The following OGDH variants were observed in gnomAD, a reference collection of about 807,000 sequenced individuals.
OGDH encodes the protein oxoglutarate dehydrogenase.
A neutral mutation model predicts 116.6 loss-of-function variants in OGDH; 38 were observed. The ratio of observed to expected loss-of-function variants is 0.33; its 90% CI spans 0.25 to 0.43. OGDH has a LOEUF of 0.43. Ranked by LOEUF, OGDH falls within the 20% of genes least tolerant of loss-of-function variation. OGDH has a pLI of 1.00. For missense variants in OGDH, 825 were observed against 1,357.2 expected, an observed-to-expected ratio of 0.61 and a Z score of 6.16; for synonymous variants, 488 against 533.3, an observed-to-expected ratio of 0.92 and a Z score of 1.17.
intron 1 of OGDH, among the ~76,000 whole-genome samples, chr7:44,622,478 A>G (rs1471038735): frequency 1.3e-5 from 2 of 152,092 alleles, no homozygotes; most frequent in Non-Finnish European, 2.9e-5. Flanking sequence ...TTTTTAAAGA[A>G]TATGTTCTGC....
chr7:44,692,144 A>C (rs1335621004), intron 10 of OGDH, among the ~76,000 whole-genome samples: 1 of 151,596 alleles, frequency 6.6e-6, no homozygotes, highest in Non-Finnish European at 1.5e-5. Context: ...CCTGTGGCTC[A>C]GTTTTCCCTT....
At chr7:44,661,566 T>A (rs976188400) in intron 4 of OGDH, among the ~76,000 whole-genome samples, 9 of 152,128 alleles carry the variant, frequency 5.9e-5, no homozygotes, top group Admixed American at 3.9e-4. Context: ...AACCCACATT[T>A]AAAAATTTTT....
Position 44,676,207 on chromosome 7 carries a change from G to T in OGDH, c.1206+58G>T, listed in dbSNP as rs747497510. On this transcript the variant is annotated intron_variant, in intron 9 of 22. Transcript: ENST00000222673. ...CGTCAAGGCCCCATGTTCCAGCATG[G>T]AGTTCCGCTCACCAACATAACCCAG... 7 of 1,613,700 alleles carry T rather than the reference G, an allele frequency of 4.3e-6. 1 individual carries two copies. In the South Asian group the frequency reaches 7.7e-5, roughly 18 times the overall value.
At position 44,645,410 on chromosome 7, in the gene OGDH, C is replaced by G. The variant is rs773361674; in HGVS notation, c.306C>G (p.Gly102=). Reference sequence around the variant, plus strand: ...AGAGTCCCCTTCCCCTGAGCCGAGGCTCCCTGGCTGCTGTGGCCCATGCAC... The same window carrying G: ...AGAGTCCCCTTCCCCTGAGCCGAGGGTCCCTGGCTGCTGTGGCCCATGCAC... ...AYQSPLPLSR[G]SLAAVAHAQS... The change falls in exon 3 of 23, where the codon GGC becomes GGG. Residue 102 remains glycine (G), a synonymous_variant. Coordinates refer to ENST00000222673, the MANE Select transcript of OGDH (RefSeq NM_002541.4). The G allele has an allele frequency of 6.2e-7, 1 of 1,614,212 alleles. No homozygotes were observed. Among genetic ancestry groups the G allele is most frequent in the Non-Finnish European group, 8.5e-7 (1 of 1,180,040 alleles).
rs1585301109 is a variant in OGDH, at chr7:44,656,416, A to G, written c.517+8657A>G. 4 of 1,483,252 alleles carry G rather than the reference A, an allele frequency of 2.7e-6. No homozygotes were observed. In the East Asian group the frequency reaches 9.9e-5, roughly 37 times the overall value. The allele number at this position is 1,483,252 out of a possible 1,614,324, so 91.9% of individuals were successfully genotyped here. On this transcript the variant is annotated intron_variant, in intron 4 of 22. Transcript: ENST00000222673. ...TCAGAGTTGAGGACTTCATTTGAAT[A>G]GGATGTGCAACTTTTCCTAGCATGC...
intron 10 of OGDH, among the ~76,000 whole-genome samples, chr7:44,692,552 C>A (rs2116328339): frequency 6.6e-6 from 1 of 152,268 alleles, no homozygotes; most frequent in South Asian, 2.1e-4. Context: ...GGTCCACTAA[C>A]AAATATGGCG....
At chr7:44,691,981 T>TTAAAAAAAAAAAAAAA (rs1228471357) in intron 10 of OGDH, among the ~76,000 whole-genome samples, 37 of 102,600 alleles carry the variant, frequency 3.6e-4, no homozygotes, top group African/African-American at 1.6e-3. Context: ...GACTCTGTCT[T>TTAAAAAAAAAAAAAAA]AAAAAAAAAA....
At chr7:44,672,942 C>T (rs952382120) in intron 5 of OGDH, among the ~76,000 whole-genome samples, 3 of 151,992 alleles carry the variant, frequency 2.0e-5, no homozygotes, top group Non-Finnish European at 2.9e-5. Flanking sequence ...CGCCTGGCCC[C>T]GAGATGGACT....
At chr7:44,673,717 C>A in intron 5 of OGDH, 70 bp from the exon 6 acceptor site, 1 of 1,471,696 alleles carries the variant, frequency 6.8e-7, no homozygotes, top group Non-Finnish European at 9.5e-7. Context: ...GCTGAATGGG[C>A]AGTCGGCAGT....
chr7:44,646,930 A>C (rs1786211221), intron 3 of OGDH, among the ~76,000 whole-genome samples: 1 of 152,082 alleles, frequency 6.6e-6, no homozygotes, highest in Non-Finnish European at 1.5e-5. Context: ...TCATTTTCCT[A>C]CTTAGAAAAA....
At chr7:44,698,041 T>C (rs191977869) in intron 17 of OGDH, 151 bp from the exon 18 acceptor site, 1 of 928,656 alleles carries the variant, frequency 1.1e-6, no homozygotes, top group Admixed American at 2.2e-5. Flanking sequence ...ATGAGCCAAG[T>C]GCTTTGCTGG....
Position 44,613,604 on chromosome 7 carries a change from C to T in OGDH, c.-28+6951C>T, listed in dbSNP as rs147442112. Among the ~76,000 whole-genome samples the T allele has an allele frequency of 9.8e-3, 1,485 of 151,450 alleles. 27 individuals are homozygous for T. The highest frequency in any genetic ancestry group is 0.034 in the African/African-American group (1,403 of 41,312). On this transcript the variant is annotated intron_variant, in intron 1 of 22. Transcript: ENST00000222673. ...TCAATCTCCTGGCCTCGTGATCCAC[C>T]CGTCTCGGCCTCCCAAAGTGCTGGG...
chr7:44,614,247 T>C (rs1240229344), intron 1 of OGDH, among the ~76,000 whole-genome samples: 4 of 151,482 alleles, frequency 2.6e-5, no homozygotes, highest in Non-Finnish European at 5.9e-5. Flanking sequence ...TTTTTTTTTT[T>C]CTTGTGTATA....
At chr7:44,664,390 G>A (rs1787089789) in intron 4 of OGDH, among the ~76,000 whole-genome samples, 1 of 152,236 alleles carries the variant, frequency 6.6e-6, no homozygotes, top group Admixed American at 6.5e-5. Flanking sequence ...AGCCTGGTGA[G>A]GGTGGGGTCA....
At chr7:44,656,301 C>T (rs1244268842) in intron 4 of OGDH, 3 of 1,535,836 alleles carry the variant, frequency 2.0e-6, no homozygotes, top group East Asian at 4.9e-5. Flanking sequence ...CCCATGATAC[C>T]CCACTCTGCC....
intron 4 of OGDH, among the ~76,000 whole-genome samples, chr7:44,654,151 C>CTATGTG (rs1786582637): frequency 6.6e-6 from 1 of 152,030 alleles, no homozygotes; most frequent in Non-Finnish European, 1.5e-5. Context: ...CACCACGCTC[C>CTATGTG]GTGAGATGTA....
In OGDH at chr7:44,673,794, A is replaced by G. The variant is rs1787573238; in HGVS notation, c.641A>G (p.Tyr214Cys). 2 of 1,614,104 alleles carry G rather than the reference A, an allele frequency of 1.2e-6. No homozygotes were observed. Among genetic ancestry groups the G allele is most frequent in the African/African-American group, 1.3e-5 (1 of 74,956 alleles). ...TGTTTCTGTATGGAATAGATGGCCTACTGCCAGCATATTGGGGTGGAGTTC... is the reference window on the plus strand; with the variant it reads ...TGTTTCTGTATGGAATAGATGGCCTGCTGCCAGCATATTGGGGTGGAGTTC... ...REIIRRLEMA[Y>C]CQHIGVEFMF... Residue 214 changes from tyrosine to cysteine, a missense_variant, in exon 6 of 23, where the codon TAC becomes TGC. Coordinates refer to ENST00000222673, the MANE Select transcript of OGDH (RefSeq NM_002541.4).
intron 4 of OGDH, among the ~76,000 whole-genome samples, chr7:44,654,137 G>A (rs1163021448): frequency 6.6e-6 from 1 of 152,228 alleles, no homozygotes; most frequent in African/African-American, 2.4e-5. Flanking sequence ...TTATAGGCAT[G>A]AGCCACCACG....
At chr7:44,696,803 C>A in intron 14 of OGDH, 111 bp from the exon 15 acceptor site, 1 of 1,377,268 alleles carries the variant, frequency 7.3e-7, no homozygotes, top group Non-Finnish European at 9.7e-7. Context: ...AGTCAGGAAC[C>A]CAGAAACTAC....
Sources: allele counts gnomAD v4.1 joint callset (sites outside exome capture counted in the v4.1 genomes callset), GRCh38; gene constraint gnomAD v4.1.1; transcripts MANE v1.5; gene names NCBI Gene and HGNC (gene_info 2026-07-23, HGNC 2026-07-21).